The following LRMDA variants were observed in gnomAD, a reference collection of about 807,000 sequenced individuals.
The protein encoded by LRMDA is leucine rich melanocyte differentiation associated, also known as leucine-rich melanocyte differentiation-associated protein.
LRMDA carries 18 observed loss-of-function variants against 29.8 expected under a neutral mutation model. That is an observed-to-expected ratio of 0.60 (90% confidence interval 0.42 to 0.90). LRMDA has a LOEUF of 0.90. Among genes scored for constraint, LRMDA ranks in the 40% least tolerant of loss-of-function variants. LRMDA has a pLI of 0.00. For missense variants in LRMDA, 273 were observed against 273.9 expected (o/e 1.00, Z 0.02); for synonymous variants, 125 against 109.4 (o/e 1.14, Z -0.89).
At chr10:76,445,059 GA>G (rs1235627738) in intron 6 of LRMDA, among the ~76,000 whole-genome samples, 4 of 152,094 alleles carry the variant, frequency 2.6e-5, no homozygotes, top group African/African-American at 9.7e-5. Flanking sequence ...GCACTGTGGG[GA>G]ATACTTGGTA....
intron 6 of LRMDA, among the ~76,000 whole-genome samples, chr10:76,353,045 C>G (rs1368894320): frequency 6.6e-6 from 1 of 152,090 alleles, no homozygotes; most frequent in Non-Finnish European, 1.5e-5. Context: ...TCTTTCCTGT[C>G]TACAGATTCA....
chr10:76,168,818 T>G (rs1280131220), intron 5 of LRMDA, among the ~76,000 whole-genome samples: 1 of 152,216 alleles, frequency 6.6e-6, no homozygotes, highest in Non-Finnish European at 1.5e-5. Context: ...TTTATGTTCT[T>G]AAAATTACAA....
intron 6 of LRMDA, among the ~76,000 whole-genome samples, chr10:76,433,469 G>A (rs189622875): frequency 2.5e-4 from 38 of 152,314 alleles, no homozygotes; most frequent in African/African-American, 7.7e-4. Flanking sequence ...AGGACCTGGC[G>A]TGCATTTCTT....
chr10:75,971,210 T>G (rs891931790), intron 2 of LRMDA, among the ~76,000 whole-genome samples: 2 of 152,202 alleles, frequency 1.3e-5, no homozygotes, highest in African/African-American at 4.8e-5. Context: ...TTTGGACATT[T>G]CCTTCTTCCC....
At chr10:76,459,403 G>A (rs1157019062) in intron 6 of LRMDA, among the ~76,000 whole-genome samples, 1 of 152,142 alleles carries the variant, frequency 6.6e-6, no homozygotes, top group Admixed American at 6.5e-5. Context: ...GAAAATGGGG[G>A]TGGAGTTCAA....
At chr10:76,166,422 G>A (rs1332409887) in intron 5 of LRMDA, among the ~76,000 whole-genome samples, 10 of 152,102 alleles carry the variant, frequency 6.6e-5, no homozygotes, top group Admixed American at 6.6e-4. Context: ...CCCAGGTACT[G>A]AGCCTAGTAT....
At chr10:76,217,190 A>T (rs1255816364) in intron 5 of LRMDA, among the ~76,000 whole-genome samples, 2 of 152,216 alleles carry the variant, frequency 1.3e-5, no homozygotes. Context: ...ATGTATGTAT[A>T]TGGTATAATA....
chr10:76,294,924 A>G (rs949411527), intron 5 of LRMDA, among the ~76,000 whole-genome samples: 10 of 152,196 alleles, frequency 6.6e-5, no homozygotes, highest in African/African-American at 2.2e-4. Context: ...CAGTTCACCC[A>G]TCATCTAGAG....
At chr10:76,411,566 C>T (rs1841961782) in intron 6 of LRMDA, among the ~76,000 whole-genome samples, 1 of 152,222 alleles carries the variant, frequency 6.6e-6, no homozygotes, top group Non-Finnish European at 1.5e-5. Context: ...TTTTCAAGTG[C>T]TCCAGTTTAT....
chr10:76,076,451 T>G (rs1848959801), intron 5 of LRMDA, among the ~76,000 whole-genome samples: 1 of 152,120 alleles, frequency 6.6e-6, no homozygotes, highest in African/African-American at 2.4e-5. Flanking sequence ...TTTGTAATTA[T>G]TTTCATGTAA....
intron 2 of LRMDA, among the ~76,000 whole-genome samples, chr10:75,466,697 C>T (rs1844654823): frequency 6.6e-6 from 1 of 152,100 alleles, no homozygotes; most frequent in African/African-American, 2.4e-5. Context: ...TCAGCATTTT[C>T]CATCTGAGGT....
At chr10:76,154,453 A>C (rs943997811) in intron 5 of LRMDA, among the ~76,000 whole-genome samples, 1 of 152,242 alleles carries the variant, frequency 6.6e-6, no homozygotes, top group African/African-American at 2.4e-5. Context: ...AATACAATAT[A>C]AAAGATGACT....
At chr10:75,695,564 C>T (rs749725530) in intron 2 of LRMDA, among the ~76,000 whole-genome samples, 18 of 152,048 alleles carry the variant, frequency 1.2e-4, no homozygotes, top group Non-Finnish European at 2.2e-4. Context: ...CTGTATCTCC[C>T]TCCCCCTCCC....
intron 5 of LRMDA, among the ~76,000 whole-genome samples, chr10:76,275,958 T>C (rs941994434): frequency 2.0e-5 from 3 of 152,156 alleles, no homozygotes; most frequent in African/African-American, 7.2e-5. Flanking sequence ...TCAAGTTCAC[T>C]AAATCTCTCC....
intron 6 of LRMDA, among the ~76,000 whole-genome samples, chr10:76,444,222 A>G (rs529968781): frequency 6.6e-6 from 1 of 152,312 alleles, no homozygotes; most frequent in African/African-American, 2.4e-5. Context: ...TCTGAACCTC[A>G]TAGAAAGCCT....
intron 2 of LRMDA, among the ~76,000 whole-genome samples, chr10:75,998,813 G>T (rs535280028): frequency 6.6e-6 from 1 of 152,288 alleles, no homozygotes; most frequent in Admixed American, 6.5e-5. Flanking sequence ...TGGTTAGTTT[G>T]GGAGAGCAGA....
chr10:76,155,781 C>T (rs549288752), intron 5 of LRMDA, among the ~76,000 whole-genome samples: 2 of 152,144 alleles, frequency 1.3e-5, no homozygotes. Flanking sequence ...CTGCATATGA[C>T]GCAGTCTATC....
chr10:76,274,057 A>C (rs1840100521), intron 5 of LRMDA, among the ~76,000 whole-genome samples: 1 of 152,140 alleles, frequency 6.6e-6, no homozygotes, highest in Non-Finnish European at 1.5e-5. Context: ...TGTCATCATC[A>C]CTTAGTATCC....
chr10:75,644,952 C>A (rs1471818610), intron 2 of LRMDA, among the ~76,000 whole-genome samples: 1 of 151,540 alleles, frequency 6.6e-6, no homozygotes, highest in Non-Finnish European at 1.5e-5. Context: ...TGTTCAGCCT[C>A]TTTCTGGGTG....
Sources: gnomAD v4.1 joint callset for allele counts (sites outside exome capture counted in the v4.1 genomes callset) on GRCh38, gnomAD v4.1.1 for gene constraint, MANE v1.5 for transcripts, NCBI Gene and HGNC (gene_info 2026-07-23, HGNC 2026-07-21) for gene names.